Variants in ANKRD6 observed in about 807,000 individuals in gnomAD.
ANKRD6 encodes ankyrin repeat domain-containing protein 6.
A neutral mutation model predicts 82.3 loss-of-function variants in ANKRD6; 56 were observed. The ratio of observed to expected loss-of-function variants is 0.68; its 90% CI spans 0.55 to 0.85. The LOEUF is 0.85. Ranked by LOEUF, ANKRD6 falls within the 40% of genes least tolerant of loss-of-function variation. The pLI, the probability that ANKRD6 is intolerant of heterozygous loss-of-function variation, is 0.00. For synonymous variants in ANKRD6, 347 were observed against 352.1 expected (o/e 0.99, Z 0.16); for missense variants, 852 against 907.6 (o/e 0.94, Z 0.79).
chr6:89,623,348 A>G (rs1804356284), intron 10 of ANKRD6, 62 bp from the exon 11 acceptor site: 3 of 1,543,992 alleles, frequency 1.9e-6, no homozygotes, highest in Non-Finnish European at 2.6e-6. Flanking sequence ...ATATTTGACC[A>G]TATTAGTGAA....
rs867283235 is a variant in ANKRD6, at chr6:89,551,102, C to T, written c.-143-15732C>T. 2.6e-4 allele frequency among the ~76,000 whole-genome samples: 39 copies of T among 152,096 alleles called. No homozygotes were observed. The Middle Eastern group carries it at 0.014, about 53-fold the overall frequency. On this transcript the variant is annotated intron_variant, in intron 1 of 15. Transcript: ENST00000339746. ...GTAATAAATTCAATCAGAGAGAATC[C>T]CTTTGTTAATTCAGCAAATATCTGA...
Position 89,613,803 on chromosome 6 carries a change from C to A in ANKRD6, c.528C>A (p.Thr176=). The A allele has an allele frequency of 6.2e-7, 1 of 1,614,026 alleles. No homozygotes were observed. The highest frequency in any genetic ancestry group is 1.1e-5 in the South Asian group (1 of 91,086). The stretch of plus-strand genomic sequence containing the variant: ...ATTTTTGTCCGCAGGCAGGAGACAC[C>A]TGTTTGCACGTTGCTGCGCGCTATA... ...RADLKNNAGD[T]CLHVAARYNH... is the part of the protein sequence containing the mutation. Residue 176 remains threonine (T), a synonymous_variant, in exon 7 of 16, where the codon ACC becomes ACA. Transcript: ENST00000339746.
Position 89,605,975 on chromosome 6 carries a change from A to G in ANKRD6, c.319-32A>G, listed in dbSNP as rs760974937. 4.0e-6 allele frequency: 6 copies of G among 1,496,756 alleles called. No individual in the cohort carries two copies. In the Admixed American group the frequency reaches 5.8e-5, roughly 14 times the overall value. The allele number at this position is 1,496,756 out of a possible 1,614,324, so 92.7% of individuals were successfully genotyped here. A position where few individuals can be genotyped will look rare whatever the true frequency, so the allele number is the denominator to read the frequency against. On this transcript the variant is annotated intron_variant, in intron 4 of 15. Coordinates refer to ENST00000339746, the MANE Select transcript of ANKRD6 (RefSeq NM_001242809.2). ...AATGAGAAGAATTAGGTCTTGGGTA[A>G]TGTGCCTTTCCCACCTGTGTGTCTT...
chr6:89,593,332 T>C (rs1583561544), intron 2 of ANKRD6, among the ~76,000 whole-genome samples: 1 of 152,192 alleles, frequency 6.6e-6, no homozygotes, highest in Admixed American at 6.5e-5. Context: ...CAGATGAAGC[T>C]GGGGACCAGG....
chr6:89,624,337 G>A (rs529005750), intron 12 of ANKRD6, among the ~76,000 whole-genome samples: 1 of 152,088 alleles, frequency 6.6e-6, no homozygotes, highest in Non-Finnish European at 1.5e-5. Context: ...TGAGGAGAGG[G>A]ACCATATCTT....
chr6:89,564,963 C>T (rs1192167296), intron 1 of ANKRD6, among the ~76,000 whole-genome samples: 1 of 152,108 alleles, frequency 6.6e-6, no homozygotes, highest in Admixed American at 6.5e-5. Context: ...AATATTTGGG[C>T]AAACAGAGCA....
intron 2 of ANKRD6, among the ~76,000 whole-genome samples, chr6:89,583,254 C>T (rs1256194827): frequency 1.3e-5 from 2 of 152,158 alleles, no homozygotes; most frequent in African/African-American, 2.4e-5. Flanking sequence ...TTGTACTGCT[C>T]TTTGTAGAAC....
intron 1 of ANKRD6, among the ~76,000 whole-genome samples, chr6:89,508,318 C>T (rs1780118307): frequency 6.6e-6 from 1 of 152,144 alleles, no homozygotes. Context: ...GTCTCACCCA[C>T]ATGGCTGTTG....
chr6:89,595,429 G>GAA (rs1330525630), intron 2 of ANKRD6, among the ~76,000 whole-genome samples: 1 of 137,020 alleles, frequency 7.3e-6, no homozygotes, highest in South Asian at 2.3e-4. Flanking sequence ...CTGTCTCAAA[G>GAA]AAAAAAAAAA....
At chr6:89,570,708 G>A (rs1789655239) in intron 2 of ANKRD6, among the ~76,000 whole-genome samples, 1 of 152,144 alleles carries the variant, frequency 6.6e-6, no homozygotes. Context: ...CACTCATGTA[G>A]CATGTACCAG....
intron 1 of ANKRD6, among the ~76,000 whole-genome samples, chr6:89,434,163 T>A (rs1770331592): frequency 6.6e-6 from 1 of 152,148 alleles, no homozygotes. Flanking sequence ...ACTTGTTAGG[T>A]GTGTGACTTT....
chr6:89,622,847 C>T (rs1210406998), intron 10 of ANKRD6, among the ~76,000 whole-genome samples: 6 of 152,078 alleles, frequency 3.9e-5, no homozygotes, highest in Non-Finnish European at 8.8e-5. Flanking sequence ...TTTCACAATC[C>T]TCTCATCAAT....
intron 2 of ANKRD6, among the ~76,000 whole-genome samples, chr6:89,570,382 T>C (rs998440010): frequency 2.6e-5 from 4 of 152,200 alleles, no homozygotes; most frequent in Non-Finnish European, 4.4e-5. Flanking sequence ...TTTTTAAAAT[T>C]TATTTATTGT....
At chr6:89,474,896 G>A (rs781116248) in intron 1 of ANKRD6, among the ~76,000 whole-genome samples, 11 of 152,152 alleles carry the variant, frequency 7.2e-5, no homozygotes, top group Non-Finnish European at 1.6e-4. Flanking sequence ...GTGTAGTAGT[G>A]GATTCTTGGT....
chr6:89,620,457 G>A (rs1802793731), intron 9 of ANKRD6, among the ~76,000 whole-genome samples: 1 of 152,096 alleles, frequency 6.6e-6, no homozygotes, highest in Non-Finnish European at 1.5e-5. Context: ...GTGAGCAATG[G>A]GTATAGTCAC....
intron 1 of ANKRD6, chr6:89,562,294 C>G (rs1441750541): frequency 6.6e-6 from 1 of 152,270 alleles, no homozygotes; most frequent in Non-Finnish European, 1.5e-5. Context: ...CAGCCAGACC[C>G]TTGTCTCCTG....
chr6:89,542,446 A>G (rs997487433), intron 1 of ANKRD6, among the ~76,000 whole-genome samples: 5 of 152,074 alleles, frequency 3.3e-5, no homozygotes, highest in African/African-American at 7.2e-5. Context: ...CTCTATGCTT[A>G]TTTACATCTA....
intron 1 of ANKRD6, among the ~76,000 whole-genome samples, chr6:89,541,495 C>T (rs548905824): frequency 2.8e-5 from 4 of 142,102 alleles, no homozygotes; most frequent in Non-Finnish European, 6.0e-5. Flanking sequence ...CGAGTTCAAG[C>T]GATTCTCCTG....
At chr6:89,519,368 G>A (rs1781618773) in intron 1 of ANKRD6, among the ~76,000 whole-genome samples, 1 of 152,236 alleles carries the variant, frequency 6.6e-6, no homozygotes, top group South Asian at 2.1e-4. Flanking sequence ...TGGCCTGGTA[G>A]TATAGATGGA....
Sources: allele counts gnomAD v4.1 joint callset (sites outside exome capture counted in the v4.1 genomes callset), GRCh38; gene constraint gnomAD v4.1.1; transcripts MANE v1.5; gene names NCBI Gene and HGNC (gene_info 2026-07-23, HGNC 2026-07-21).